MACROD2: variants seen among roughly 807,000 people sequenced by gnomAD.
MACROD2 encodes mono-ADP ribosylhydrolase 2.
Under a neutral mutation model 70.4 loss-of-function variants are expected in MACROD2, and 36 were observed. The observed-to-expected ratio is 0.51, with a 90% CI of 0.39 to 0.68. The LOEUF (loss-of-function observed/expected upper bound fraction) is 0.68. Ranked by LOEUF, MACROD2 falls within the 30% of genes least tolerant of loss-of-function variation. The probability of loss-of-function intolerance (pLI) is 0.00; values close to 1 mark genes in which losing one functional copy is unlikely to be tolerated. For missense variants in MACROD2, 496 were observed against 538.4 expected, an observed-to-expected ratio of 0.92 and a Z score of 0.78; for synonymous variants, 172 against 178.8, an observed-to-expected ratio of 0.96 and a Z score of 0.30.
At chr20:16,038,533 T>G (rs1017974815) in intron 15 of MACROD2, among the ~76,000 whole-genome samples, 2 of 75,624 alleles carry the variant, frequency 2.6e-5, no homozygotes, top group East Asian at 4.7e-4. Flanking sequence ...TTTTGTGGGG[T>G]TTTTTTTTTT....
intron 3 of MACROD2, among the ~76,000 whole-genome samples, chr20:14,241,150 G>T (rs1053702079): frequency 6.6e-6 from 1 of 152,198 alleles, no homozygotes; most frequent in South Asian, 2.1e-4. Context: ...AAATACAAAA[G>T]AACACGAAGA....
chr20:15,543,285 T>C (rs891883816), intron 8 of MACROD2, among the ~76,000 whole-genome samples: 1 of 152,176 alleles, frequency 6.6e-6, no homozygotes, highest in Non-Finnish European at 1.5e-5. Context: ...TCCTCATCTG[T>C]TCAAGAGGAA....
At chr20:14,638,721 C>T (rs116211366) in intron 4 of MACROD2, among the ~76,000 whole-genome samples, 1,618 of 152,064 alleles carry the variant, frequency 0.011, 29 homozygotes, top group African/African-American at 0.038. Context: ...GAGGCCATGG[C>T]GGGAGGATCA....
intron 3 of MACROD2, among the ~76,000 whole-genome samples, chr20:14,103,198 G>C (rs1175888396): frequency 6.6e-6 from 1 of 152,008 alleles, no homozygotes; most frequent in Non-Finnish European, 1.5e-5. Context: ...GGAGATGGAT[G>C]GTTGCCAACA....
intron 8 of MACROD2, among the ~76,000 whole-genome samples, chr20:15,711,854 A>G (rs6079935): frequency 0.56 from 84,804 of 151,998 alleles, 25,797 homozygotes; most frequent in Middle Eastern, 0.75. Flanking sequence ...AAGAGAGAGT[A>G]ACTGCGACAG....
chr20:15,143,818 C>A (rs1173839549), intron 5 of MACROD2, among the ~76,000 whole-genome samples: 1 of 151,688 alleles, frequency 6.6e-6, no homozygotes, highest in Non-Finnish European at 1.5e-5. Context: ...TCACAATAAG[C>A]AGATCACCAG....
At chr20:14,064,663 G>A (rs964605602) in intron 2 of MACROD2, among the ~76,000 whole-genome samples, 1 of 152,156 alleles carries the variant, frequency 6.6e-6, no homozygotes, top group Non-Finnish European at 1.5e-5. Flanking sequence ...TATTTTAAGA[G>A]CTTCCTCAGA....
At chr20:15,064,447 A>T (rs1441772772) in intron 5 of MACROD2, among the ~76,000 whole-genome samples, 3 of 152,032 alleles carry the variant, frequency 2.0e-5, no homozygotes, top group Admixed American at 2.0e-4. Flanking sequence ...GTATGTTTTA[A>T]CTCTGCTGTC....
rs114880054 is a variant in MACROD2, at chr20:15,063,474, T to G, written c.419-166466T>G. ...AGCCTGCCTATCATGGAATTTAACA[T>G]GACTGGCTGGGGGGAATCAGGCTCT... On this transcript the variant is annotated intron_variant, in intron 5 of 17. Coordinates refer to ENST00000684519, the MANE Select transcript of MACROD2 (RefSeq NM_001351661.2). 8.9e-3 allele frequency among the ~76,000 whole-genome samples: 1,352 copies of G among 152,330 alleles called. 24 individuals carry two copies. Among genetic ancestry groups the G allele is most frequent in the African/African-American group, 0.031 (1,274 of 41,576 alleles).
chr20:14,408,380 A>G (rs1199054226), intron 3 of MACROD2, among the ~76,000 whole-genome samples: 1 of 152,142 alleles, frequency 6.6e-6, no homozygotes. Context: ...AACAGAATGA[A>G]AGCACTTCAG....
chr20:14,625,859 A>C (rs1025864625), intron 4 of MACROD2, among the ~76,000 whole-genome samples: 1 of 152,016 alleles, frequency 6.6e-6, no homozygotes. Flanking sequence ...GTCTCACTCT[A>C]TCGCCCAGGC....
chr20:15,931,171 C>T (rs1362881224), intron 10 of MACROD2, among the ~76,000 whole-genome samples: 2 of 152,172 alleles, frequency 1.3e-5, no homozygotes, highest in Non-Finnish European at 2.9e-5. Context: ...ACCAACTTGG[C>T]CTTGTTAAGA....
chr20:14,332,941 C>T (rs373454261), intron 3 of MACROD2, among the ~76,000 whole-genome samples: 40 of 152,174 alleles, frequency 2.6e-4, no homozygotes, highest in African/African-American at 9.1e-4. Context: ...ACTACATATA[C>T]GGTTAAACTG....
intron 2 of MACROD2, chr20:14,051,832 G>T (rs1326442425): frequency 2.1e-6 from 1 of 478,930 alleles, no homozygotes. Context: ...CACTTGAAAG[G>T]CCCATCCTTT....
intron 3 of MACROD2, among the ~76,000 whole-genome samples, chr20:14,188,067 A>T (rs138181840): frequency 2.0e-5 from 3 of 152,298 alleles, no homozygotes; most frequent in East Asian, 3.9e-4. Flanking sequence ...GAGTAAAACC[A>T]GATTATGAAA....
At chr20:15,397,338 A>G (rs984750845) in intron 6 of MACROD2, among the ~76,000 whole-genome samples, 1 of 151,608 alleles carries the variant, frequency 6.6e-6, no homozygotes, top group Non-Finnish European at 1.5e-5. Flanking sequence ...CTCTGTTGCC[A>G]AGGCTGGAGT....
At chr20:14,611,809 A>G (rs1223035734) in intron 4 of MACROD2, among the ~76,000 whole-genome samples, 1 of 152,128 alleles carries the variant, frequency 6.6e-6, no homozygotes, top group Non-Finnish European at 1.5e-5. Context: ...CTGAAATATT[A>G]AGCTTTTTAA....
At chr20:15,666,234 C>T (rs2049895894) in intron 8 of MACROD2, among the ~76,000 whole-genome samples, 1 of 152,150 alleles carries the variant, frequency 6.6e-6, no homozygotes, top group African/African-American at 2.4e-5. Context: ...TGTTAGACAT[C>T]TCTTATTTAA....
At chr20:15,340,739 G>A (rs1221015463) in intron 6 of MACROD2, among the ~76,000 whole-genome samples, 4 of 151,094 alleles carry the variant, frequency 2.6e-5, no homozygotes, top group African/African-American at 4.9e-5. Flanking sequence ...TACAAATCAT[G>A]CTTCTCTGTC....
Sources: gnomAD v4.1 joint callset for allele counts (sites outside exome capture counted in the v4.1 genomes callset) on GRCh38, gnomAD v4.1.1 for gene constraint, MANE v1.5 for transcripts, NCBI Gene and HGNC (gene_info 2026-07-23, HGNC 2026-07-21) for gene names.